The following PCDH15 variants were observed in gnomAD, a reference collection of about 807,000 sequenced individuals.
PCDH15 encodes the protein protocadherin related 15, also known as protocadherin-15.
In PCDH15, 129 loss-of-function variants were observed where a neutral mutation model predicts 178.5. That is an observed-to-expected ratio of 0.72 (90% confidence interval 0.63 to 0.84). PCDH15 has a LOEUF of 0.84. Among genes scored for constraint, PCDH15 ranks in the 40% least tolerant of loss-of-function variants. The pLI is 0.00. For synonymous variants in PCDH15, 800 were observed against 732.0 expected (o/e 1.09, Z -1.50); for missense variants, 2,230 against 2,099.9 (o/e 1.06, Z -1.21).
chr10:53,977,433 G>A (rs1172843203), intron 21 of PCDH15, among the ~76,000 whole-genome samples: 1 of 152,194 alleles, frequency 6.6e-6, no homozygotes, highest in Non-Finnish European at 1.5e-5. Flanking sequence ...CCATGAGTTC[G>A]ACAAGCTTGA....
chr10:54,179,999 T>C (rs769767931), intron 13 of PCDH15, among the ~76,000 whole-genome samples: 2 of 152,218 alleles, frequency 1.3e-5, no homozygotes, highest in Non-Finnish European at 2.9e-5. Flanking sequence ...TAGTGGAGCA[T>C]AGTATTTATT....
chr10:55,621,678 C>T (rs1001062615), intron 2 of PCDH15, among the ~76,000 whole-genome samples: 8 of 152,044 alleles, frequency 5.3e-5, no homozygotes, highest in South Asian at 2.1e-4. Context: ...CACATAACCC[C>T]CATCCCCACA....
intron 25 of PCDH15, among the ~76,000 whole-genome samples, chr10:53,909,386 T>C (rs2082908244): frequency 6.6e-6 from 1 of 152,228 alleles, no homozygotes; most frequent in South Asian, 2.1e-4. Context: ...ACTGTAGGTG[T>C]TCAATAAATG....
intron 3 of PCDH15, among the ~76,000 whole-genome samples, chr10:54,824,545 A>G (rs556650179): frequency 6.6e-6 from 1 of 152,136 alleles, no homozygotes; most frequent in South Asian, 2.1e-4. Context: ...AAGTTCCCAG[A>G]GGCCTCTACT....
intron 2 of PCDH15, among the ~76,000 whole-genome samples, chr10:55,052,666 A>G (rs943595210): frequency 6.6e-6 from 1 of 151,070 alleles, no homozygotes; most frequent in Admixed American, 6.6e-5. Flanking sequence ...TGGTGAGCCG[A>G]GATCGTGCCA....
chr10:54,225,830 C>T (rs951830361), intron 9 of PCDH15, among the ~76,000 whole-genome samples: 2 of 152,114 alleles, frequency 1.3e-5, no homozygotes, highest in Admixed American at 6.5e-5. Flanking sequence ...TAAAATAATA[C>T]AAAAGTAAAC....
At chr10:54,746,575 G>A (rs1945488902) in intron 1 of PCDH15, among the ~76,000 whole-genome samples, 1 of 152,014 alleles carries the variant, frequency 6.6e-6, no homozygotes, top group East Asian at 1.9e-4. Flanking sequence ...AATATCTTAT[G>A]TACCCCATAA....
In PCDH15 at chr10:53,857,294, T is replaced by C. The variant is rs80143445; in HGVS notation, c.3718-31A>G. 6,152 of 1,535,052 alleles carry C rather than the reference T, an allele frequency of 4.0e-3. 136 individuals carry two copies. The East Asian group carries it at 0.059, about 15-fold the overall frequency. ...AGAAGAAAAAACAGAATTCATTTAA[T>C]TTTTACTCACTGAAATTTCCATAAT... On this transcript the variant is annotated intron_variant, in intron 27 of 37. Transcript: ENST00000644397.
intron 8 of PCDH15, among the ~76,000 whole-genome samples, chr10:54,251,086 GA>G (rs2056433876): frequency 6.6e-6 from 1 of 152,118 alleles, no homozygotes; most frequent in African/African-American, 2.4e-5. Context: ...GTATATATGA[GA>G]ATGATGTTTC....
At chr10:55,207,218 G>A (rs890884362) in intron 1 of PCDH15, among the ~76,000 whole-genome samples, 4 of 151,974 alleles carry the variant, frequency 2.6e-5, no homozygotes, top group Non-Finnish European at 4.4e-5. Flanking sequence ...TTTTGATATA[G>A]CAGGAATAAG....
At chr10:53,849,270 G>T (rs1303493503) in intron 28 of PCDH15, among the ~76,000 whole-genome samples, 1 of 151,788 alleles carries the variant, frequency 6.6e-6, no homozygotes, top group East Asian at 1.9e-4. Context: ...GTGCAAATAT[G>T]ATTTCTTTTT....
intron 18 of PCDH15, among the ~76,000 whole-genome samples, chr10:54,048,470 T>C (rs2384374): frequency 0.21 from 32,041 of 152,134 alleles, 3,540 homozygotes; most frequent in Non-Finnish European, 0.23. Context: ...ATAACTTCTT[T>C]GCCAAGGCTG....
chr10:55,553,455 T>TA (rs1327583621), intron 2 of PCDH15, among the ~76,000 whole-genome samples: 1 of 151,878 alleles, frequency 6.6e-6, no homozygotes, highest in Non-Finnish European at 1.5e-5. Flanking sequence ...TGGTGTTTTT[T>TA]ATTCTTTAAA....
chr10:54,764,510 C>G (rs1337281991), intron 1 of PCDH15, among the ~76,000 whole-genome samples: 2 of 151,882 alleles, frequency 1.3e-5, no homozygotes, highest in Non-Finnish European at 2.9e-5. Context: ...GATGTATTAC[C>G]AAATTTTTAT....
At chr10:55,264,436 C>T (rs577009163) in intron 1 of PCDH15, among the ~76,000 whole-genome samples, 1 of 152,284 alleles carries the variant, frequency 6.6e-6, no homozygotes, top group Non-Finnish European at 1.5e-5. Context: ...CGGTCAATTC[C>T]TATTCTCCAG....
chr10:54,938,761 G>C (rs1837975987), intron 2 of PCDH15, among the ~76,000 whole-genome samples: 1 of 152,056 alleles, frequency 6.6e-6, no homozygotes, highest in Admixed American at 6.6e-5. Context: ...GATAATTTTG[G>C]TGATTGCAAT....
intron 1 of PCDH15, among the ~76,000 whole-genome samples, chr10:55,272,976 C>T (rs1842484436): frequency 1.3e-5 from 2 of 151,920 alleles, no homozygotes; most frequent in African/African-American, 4.8e-5. Context: ...TCTCTGTCTC[C>T]CCTATGAGAC....
chr10:55,119,214 C>T (rs574885026), intron 2 of PCDH15, among the ~76,000 whole-genome samples: 1 of 152,236 alleles, frequency 6.6e-6, no homozygotes, highest in African/African-American at 2.4e-5. Context: ...ATACCAAATA[C>T]AGGTCCCTTC....
At chr10:55,547,302 G>A (rs781644173) in intron 2 of PCDH15, among the ~76,000 whole-genome samples, 3 of 152,088 alleles carry the variant, frequency 2.0e-5, no homozygotes, top group African/African-American at 4.8e-5. Context: ...GAGAGCATAC[G>A]ATAAACAATT....
Sources: gnomAD v4.1 joint callset for allele counts (sites outside exome capture counted in the v4.1 genomes callset) on GRCh38, gnomAD v4.1.1 for gene constraint, MANE v1.5 for transcripts, NCBI Gene and HGNC (gene_info 2026-07-23, HGNC 2026-07-21) for gene names.